The following SMCHD1 variants were observed in gnomAD, a reference collection of about 807,000 sequenced individuals.
SMCHD1 encodes the protein structural maintenance of chromosomes flexible hinge domain containing 1, also known as structural maintenance of chromosomes flexible hinge domain-containing protein 1.
Under a neutral mutation model 254.7 loss-of-function variants are expected in SMCHD1, and 78 were observed. The ratio of observed to expected loss-of-function variants is 0.31; its 90% confidence interval spans 0.26 to 0.37. The LOEUF (loss-of-function observed/expected upper bound fraction) is 0.37, where lower values mean the gene tolerates loss of function less well. Ranked by LOEUF, SMCHD1 falls within the 10% of genes least tolerant of loss-of-function variation. SMCHD1 has a pLI of 1.00. For missense variants in SMCHD1, 1,840 were observed against 2,408.1 expected (o/e 0.76, Z 4.94); for synonymous variants, 766 against 794.9 (o/e 0.96, Z 0.61).
intron 22 of SMCHD1, among the ~76,000 whole-genome samples, chr18:2,727,646 T>C (rs1011592012): frequency 1.3e-5 from 2 of 152,054 alleles, no homozygotes; most frequent in East Asian, 3.9e-4. Context: ...CCTTGTGACC[T>C]GGACAAAATA....
chr18:2,656,780 C>T (rs1228619106), intron 1 of SMCHD1, among the ~76,000 whole-genome samples: 1 of 152,106 alleles, frequency 6.6e-6, no homozygotes, highest in African/African-American at 2.4e-5. Context: ...GGTTGCAGGT[C>T]CTTCTGGGGC....
At chr18:2,758,024 A>T (rs1176208370) in intron 34 of SMCHD1, among the ~76,000 whole-genome samples, 2 of 152,140 alleles carry the variant, frequency 1.3e-5, no homozygotes, top group African/African-American at 2.4e-5. Context: ...CCACTTTGGG[A>T]ATCATGAGGA....
rs1430034247 is a variant in SMCHD1, at chr18:2,703,797, C to T, written c.1753C>T (p.Arg585Cys). Residue 585 changes from arginine (R) to cysteine (C), a missense_variant, in exon 13 of 48, where the codon CGT (arginine) becomes TGT (cysteine). Around this residue, in one of 9 missense-constraint regions of SMCHD1, gnomAD observed 498 missense variants for 743.5 expected, o/e 0.67. Coordinates refer to ENST00000320876, the MANE Select transcript of SMCHD1 (RefSeq NM_015295.3). ...KFTLFKGVIT[R>C]PDLPSKKQGP... ...TACACTTTTTAAGGGAGTAATTACA[C>T]GTCCTGATCTTCCTTCTAAAAAGCA... 3 of 1,612,760 alleles carry T rather than the reference C, an allele frequency of 1.9e-6. No homozygotes were observed. Among genetic ancestry groups the T allele is most frequent in the Non-Finnish European group, 1.7e-6 (2 of 1,179,128 alleles).
intron 5 of SMCHD1, among the ~76,000 whole-genome samples, chr18:2,679,480 C>CAAAAAAAAAAAAAAAAAAAAA (rs59034633): frequency 2.2e-4 from 13 of 58,698 alleles, no homozygotes; most frequent in East Asian, 1.1e-3. Context: ...ACTCCATCTC[C>CAAAAAAAAAAAAAAAAAAAAA]AAAAAAAAAA....
At chr18:2,777,008 ATCC>A (rs756576689) in intron 42 of SMCHD1, among the ~76,000 whole-genome samples, 3 of 151,608 alleles carry the variant, frequency 2.0e-5, no homozygotes, top group Non-Finnish European at 4.4e-5. Context: ...GGCTCAAGTG[ATCC>A]TCCTCCCTCA....
At chr18:2,656,495 C>T (rs1568049338) in intron 1 of SMCHD1, among the ~76,000 whole-genome samples, 1 of 152,254 alleles carries the variant, frequency 6.6e-6, no homozygotes, top group Non-Finnish European at 1.5e-5. Flanking sequence ...CCTCCCTCTG[C>T]CTCCGCTCCT....
chr18:2,688,323 A>C, intron 5 of SMCHD1, 71 bp from the exon 6 acceptor site: 5 of 1,024,804 alleles, frequency 4.9e-6, no homozygotes, highest in Non-Finnish European at 7.7e-6. Flanking sequence ...CACTGAATAC[A>C]AGTGCAATGA....
At chr18:2,726,015 A>C (rs1055154498) in intron 21 of SMCHD1, among the ~76,000 whole-genome samples, 3 of 151,784 alleles carry the variant, frequency 2.0e-5, no homozygotes, top group African/African-American at 7.2e-5. Context: ...TCTCCAGTTA[A>C]TTTATTTTTC....
intron 28 of SMCHD1, among the ~76,000 whole-genome samples, chr18:2,742,998 T>C (rs58209329): frequency 0.19 from 29,077 of 152,146 alleles, 3,065 homozygotes; most frequent in South Asian, 0.27. Flanking sequence ...TGCTGAAATA[T>C]TGTTACAGCA....
At chr18:2,722,495 A>G in intron 19 of SMCHD1, 24 bp from the exon 20 acceptor site, 1 of 1,599,628 alleles carries the variant, frequency 6.3e-7, no homozygotes. Flanking sequence ...CTTGCTTTTC[A>G]TTTCATTTTT....
At position 2,718,271 on chromosome 18, in the gene SMCHD1, GTAT is replaced by G. The variant is rs2074846356; in HGVS notation, c.2338+38_2338+40del. On this transcript the variant is annotated intron_variant, in intron 18 of 47. Transcript: ENST00000320876. This position sits in a 1 kb window ranked among gnomAD's most constrained non-coding sequence, Gnocchi z 4.6. ...ATTCTGAATGTTAAAAAATACATTG[GTAT>G]TGTGTTGACTTGATTTTTAATTTCT... is the stretch of plus-strand genomic sequence containing the variant. The G allele has an allele frequency of 6.2e-7, 1 of 1,609,182 alleles. No individual in the cohort carries two copies. The highest frequency in any genetic ancestry group is 1.1e-5 in the South Asian group (1 of 90,280).
chr18:2,685,037 C>G (rs1327014985), intron 5 of SMCHD1, among the ~76,000 whole-genome samples: 1 of 150,144 alleles, frequency 6.7e-6, no homozygotes, highest in Admixed American at 6.7e-5. Context: ...ACATTTCTTG[C>G]TAAACTATAC....
At chr18:2,702,903 G>A (rs982816354) in intron 12 of SMCHD1, among the ~76,000 whole-genome samples, 1 of 152,166 alleles carries the variant, frequency 6.6e-6, no homozygotes, top group African/African-American at 2.4e-5. Context: ...GCGAAAGCAT[G>A]TAATGGGGAG....
At chr18:2,694,736 T>A in intron 8 of SMCHD1, 43 bp downstream of exon 8, 1 of 1,540,426 alleles carries the variant, frequency 6.5e-7, no homozygotes, top group Non-Finnish European at 8.9e-7. Flanking sequence ...CTACTTAACT[T>A]TTTTAAGGCA....
At chr18:2,740,652 T>A in intron 27 of SMCHD1, 51 bp from the exon 28 acceptor site, 1 of 993,674 alleles carries the variant, frequency 1.0e-6, no homozygotes, top group Non-Finnish European at 1.5e-6. Context: ...TGTAGATATT[T>A]ATATCTTCTA....
intron 2 of SMCHD1, 89 bp downstream of exon 2, chr18:2,666,321 A>G (rs1304286375): frequency 2.0e-5 from 12 of 608,434 alleles, no homozygotes; most frequent in Non-Finnish European, 3.1e-5. Flanking sequence ...ATATGCATCT[A>G]AATCTGTTGA....
chr18:2,702,455 G>T (rs1372854904), intron 12 of SMCHD1, among the ~76,000 whole-genome samples: 1 of 152,114 alleles, frequency 6.6e-6, no homozygotes, highest in Non-Finnish European at 1.5e-5. Flanking sequence ...AATGCATTTG[G>T]TAATTTGTTT....
chr18:2,672,369 G>A (rs2073631886), intron 3 of SMCHD1, among the ~76,000 whole-genome samples: 1 of 152,082 alleles, frequency 6.6e-6, no homozygotes, highest in African/African-American at 2.4e-5. Context: ...TGGGATTATA[G>A]GCACCAGCTA....
At chr18:2,728,401 C>G in intron 22 of SMCHD1, 56 bp from the exon 23 acceptor site, 1 of 1,510,330 alleles carries the variant, frequency 6.6e-7, no homozygotes, top group South Asian at 1.2e-5. Flanking sequence ...TTTGCTATTT[C>G]AGTACTTTAG....
Sources: allele counts gnomAD v4.1 joint callset (sites outside exome capture counted in the v4.1 genomes callset), GRCh38; gene constraint gnomAD v4.1.1; regional missense constraint gnomAD v4.1.1; non-coding constraint Gnocchi (gnomAD v3.1); transcripts MANE v1.5; gene names NCBI Gene and HGNC (gene_info 2026-07-23, HGNC 2026-07-21).